ADGRG6: variants seen among roughly 807,000 people sequenced by gnomAD.
ADGRG6 encodes the protein adhesion G protein-coupled receptor G6.
A neutral mutation model predicts 142.4 loss-of-function variants in ADGRG6; 84 were observed. The observed-to-expected ratio is 0.59, with a 90% confidence interval of 0.49 to 0.71. The LOEUF (loss-of-function observed/expected upper bound fraction) is 0.71, where lower values mean the gene tolerates loss of function less well. Ranked by LOEUF, ADGRG6 falls within the 30% of genes least tolerant of loss-of-function variation. ADGRG6 has a pLI of 0.00. For missense variants in ADGRG6, 1,367 were observed against 1,466.6 expected, an observed-to-expected ratio of 0.93 and a Z score of 1.11; for synonymous variants, 521 against 520.5, an observed-to-expected ratio of 1.00 and a Z score of -0.01.
chr6:142,434,887 A>G (rs1777401889), intron 22 of ADGRG6, among the ~76,000 whole-genome samples: 1 of 152,116 alleles, frequency 6.6e-6, no homozygotes, highest in South Asian at 2.1e-4. Flanking sequence ...CCTTTTCTAT[A>G]ATAACATTTG....
At chr6:142,348,306 G>A (rs906564550) in intron 2 of ADGRG6, among the ~76,000 whole-genome samples, 1 of 152,108 alleles carries the variant, frequency 6.6e-6, no homozygotes, top group Non-Finnish European at 1.5e-5. Context: ...GATCAACTGA[G>A]CCTTCTTAAA....
intron 24 of ADGRG6, among the ~76,000 whole-genome samples, chr6:142,438,687 T>C (rs1159122817): frequency 6.6e-6 from 1 of 152,188 alleles, no homozygotes; most frequent in Admixed American, 6.5e-5. Flanking sequence ...AAATTAAAAA[T>C]TGAATTACAG....
At chr6:142,437,259 T>G (rs1273874949) in intron 22 of ADGRG6, among the ~76,000 whole-genome samples, 175 bp from the exon 23 acceptor site, 1 of 152,184 alleles carries the variant, frequency 6.6e-6, no homozygotes, top group Non-Finnish European at 1.5e-5. Flanking sequence ...TTGTGTTCTC[T>G]TCTAAAGGAT....
At chr6:142,341,607 T>C (rs1353660079) in intron 2 of ADGRG6, among the ~76,000 whole-genome samples, 2 of 129,638 alleles carry the variant, frequency 1.5e-5, no homozygotes, top group African/African-American at 5.8e-5. Context: ...TTATATATAC[T>C]ATATAATATG....
intron 4 of ADGRG6, among the ~76,000 whole-genome samples, chr6:142,381,362 T>A (rs1368036187): frequency 6.6e-6 from 1 of 152,192 alleles, no homozygotes; most frequent in Non-Finnish European, 1.5e-5. Context: ...TTGGAAAAAG[T>A]CTGTTAATTG....
At chr6:142,347,840 C>T (rs748336593) in intron 2 of ADGRG6, among the ~76,000 whole-genome samples, 1 of 152,058 alleles carries the variant, frequency 6.6e-6, no homozygotes, top group Non-Finnish European at 1.5e-5. Flanking sequence ...ATCATAGCTT[C>T]CAAGGACTAA....
intron 11 of ADGRG6, among the ~76,000 whole-genome samples, chr6:142,401,722 G>A (rs544984009): frequency 1.3e-5 from 2 of 152,218 alleles, no homozygotes; most frequent in East Asian, 1.9e-4. Context: ...AGGGTGAGAA[G>A]AATGAGGTGG....
At chr6:142,325,014 T>C (rs986896010) in intron 2 of ADGRG6, among the ~76,000 whole-genome samples, 3 of 152,136 alleles carry the variant, frequency 2.0e-5, no homozygotes, top group South Asian at 2.1e-4. Flanking sequence ...GGCACAACCA[T>C]GCATTTTAGT....
intron 4 of ADGRG6, 110 bp downstream of exon 4, chr6:142,370,903 C>A: frequency 9.9e-7 from 1 of 1,013,304 alleles, no homozygotes; most frequent in Non-Finnish European, 1.5e-6. Flanking sequence ...TGTATATTCA[C>A]ACATATAGAC....
At position 142,360,713 on chromosome 6, in the gene ADGRG6, T is replaced by C. The variant is rs545282748; in HGVS notation, c.104-6856T>C. Among the ~76,000 whole-genome samples the C allele has an allele frequency of 3.3e-5, 5 of 152,242 alleles. No homozygotes were observed. The East Asian group carries it at 9.7e-4, about 29-fold the overall frequency. ...TCGCTCTGTCACCCAGGCTGGAGTG[T>C]AGTGGTGTGATCTCAGCTTACTGAA... On this transcript the variant is annotated intron_variant, in intron 2 of 24. Coordinates refer to ENST00000367609, the MANE Select transcript of ADGRG6 (RefSeq NM_198569.3).
intron 9 of ADGRG6, among the ~76,000 whole-genome samples, chr6:142,394,252 A>G (rs1775056148): frequency 6.6e-6 from 1 of 152,228 alleles, no homozygotes; most frequent in Non-Finnish European, 1.5e-5. Flanking sequence ...CTCTTACTTG[A>G]AATTGCAAAG....
intron 2 of ADGRG6, among the ~76,000 whole-genome samples, chr6:142,321,282 T>TACACAC (rs1282740150): frequency 1.9e-5 from 2 of 107,586 alleles, no homozygotes; most frequent in African/African-American, 4.9e-5. Flanking sequence ...AAAATAAGCA[T>TACACAC]GCATACACAC....
At chr6:142,402,405 C>G (rs1775568593) in intron 12 of ADGRG6, among the ~76,000 whole-genome samples, 1 of 152,096 alleles carries the variant, frequency 6.6e-6, no homozygotes, top group South Asian at 2.1e-4. Flanking sequence ...TCATTCATCC[C>G]TCCAAGTTAT....
chr6:142,342,711 C>T (rs74967581), intron 2 of ADGRG6, among the ~76,000 whole-genome samples: 12,796 of 151,950 alleles, frequency 0.084, 604 homozygotes, highest in East Asian at 0.21. Context: ...ACCAAAAGTA[C>T]GTAACAAAGC....
At chr6:142,434,335 T>C (rs1269474127) in intron 22 of ADGRG6, among the ~76,000 whole-genome samples, 1 of 152,044 alleles carries the variant, frequency 6.6e-6, no homozygotes, top group Non-Finnish European at 1.5e-5. Context: ...AATTTTTTTT[T>C]CTTTTTTGAG....
At chr6:142,370,986 C>T (rs1337397664) in intron 4 of ADGRG6, 193 bp downstream of exon 4, 2 of 582,756 alleles carry the variant, frequency 3.4e-6, no homozygotes, top group Non-Finnish European at 5.9e-6. Flanking sequence ...TTATAGCACA[C>T]ATTTGATTAT....
At chr6:142,421,436 T>C (rs1431948332) in intron 22 of ADGRG6, among the ~76,000 whole-genome samples, 1 of 152,230 alleles carries the variant, frequency 6.6e-6, no homozygotes, top group African/African-American at 2.4e-5. Context: ...GTATGTAGCA[T>C]ATAAATACAT....
chr6:142,381,246 A>G (rs928724115), intron 4 of ADGRG6, among the ~76,000 whole-genome samples: 1 of 152,212 alleles, frequency 6.6e-6, no homozygotes, highest in Non-Finnish European at 1.5e-5. Flanking sequence ...ATATGTGTGT[A>G]TATATATGTG....
At chr6:142,425,417 C>T (rs775715481) in intron 22 of ADGRG6, among the ~76,000 whole-genome samples, 5 of 152,164 alleles carry the variant, frequency 3.3e-5, no homozygotes, top group Non-Finnish European at 7.3e-5. Flanking sequence ...TTGATTTGCT[C>T]ATTAAACTCT....
Sources: gnomAD v4.1 joint callset for allele counts (sites outside exome capture counted in the v4.1 genomes callset) on GRCh38, gnomAD v4.1.1 for gene constraint, MANE v1.5 for transcripts, NCBI Gene and HGNC (gene_info 2026-07-23, HGNC 2026-07-21) for gene names.